NPAT: variants seen among roughly 807,000 people sequenced by gnomAD.
NPAT encodes protein NPAT.
In NPAT, 52 loss-of-function variants were observed where a neutral mutation model predicts 130.7. The ratio of observed to expected loss-of-function variants is 0.40; its 90% CI spans 0.32 to 0.50. The LOEUF (loss-of-function observed/expected upper bound fraction) is 0.50. NPAT is among the 20% of genes least tolerant of loss of function. NPAT has a pLI of 0.68. For missense variants in NPAT, 1,687 were observed against 1,662.6 expected, an observed-to-expected ratio of 1.01 and a Z score of -0.26; for synonymous variants, 580 against 584.8, an observed-to-expected ratio of 0.99 and a Z score of 0.12.
chr11:108,167,286 C>T (rs1447436246), intron 15 of NPAT, among the ~76,000 whole-genome samples: 1 of 152,218 alleles, frequency 6.6e-6, no homozygotes, highest in Non-Finnish European at 1.5e-5. Flanking sequence ...TCATGGCTTA[C>T]TTACAGCCTC....
chr11:108,209,528 G>A (rs551722774), intron 1 of NPAT, among the ~76,000 whole-genome samples: 66 of 152,158 alleles, frequency 4.3e-4, no homozygotes, highest in Admixed American at 9.8e-4. Context: ...CTCTAGCATG[G>A]GCAACAGACT....
intron 10 of NPAT, among the ~76,000 whole-genome samples, chr11:108,184,883 A>T (rs966959289): frequency 6.6e-6 from 1 of 152,172 alleles, no homozygotes; most frequent in South Asian, 2.1e-4. Context: ...ATTATTATAC[A>T]ATTTGTAGCA....
chr11:108,172,463 G>A lies in NPAT; in HGVS notation c.2521C>T (p.Pro841Ser). Reference sequence around the variant, plus strand: ...TATCCTCCATCCTTGGAAACACATGGTGTAACATTAGCTGAAAAAGCAATG... The same window carrying A: ...TATCCTCCATCCTTGGAAACACATGATGTAACATTAGCTGAAAAAGCAATG... ...DGIAFSANVTPCVSKDGGYIQ... is the reference protein window; with the variant it reads ...DGIAFSANVTSCVSKDGGYIQ... The change falls in exon 13 of 18, where the codon CCA becomes TCA. Residue 841 changes from proline to serine, a missense_variant. By Grantham distance (74) the Pro-to-Ser change is moderately conservative. This residue lies in a region of NPAT where 1,379 missense variants were observed against 1,346.6 expected (regional missense o/e 1.02). Transcript: ENST00000278612. 6.2e-7 allele frequency: 1 copy of A among 1,614,112 alleles called. No homozygotes were observed. The highest frequency in any genetic ancestry group is 2.2e-5 in the East Asian group (1 of 44,890).
intron 12 of NPAT, among the ~76,000 whole-genome samples, chr11:108,175,584 C>T (rs2077997985): frequency 1.3e-5 from 2 of 152,140 alleles, no homozygotes; most frequent in African/African-American, 4.8e-5. Flanking sequence ...ATAATATATA[C>T]TGCAAAAAAC....
rs144624808 is a variant in NPAT, at chr11:108,199,578, C to T, written c.38-2158G>A. 4.3e-3 allele frequency among the ~76,000 whole-genome samples: 661 copies of T among 152,126 alleles called. 16 individuals carry two copies. The highest frequency in any genetic ancestry group is 8.7e-3 in the East Asian group (45 of 5,184). ...TGCCTTCACATTTTTTTTCCAAAAA[C>T]GGATGAAGCACTGGGCCTCTGTCAG... On this transcript the variant is annotated intron_variant, in intron 1 of 17. Transcript: ENST00000278612.
intron 12 of NPAT, 81 bp from the exon 13 acceptor site, chr11:108,173,932 T>C (rs1222485072): frequency 7.9e-7 from 1 of 1,265,800 alleles, no homozygotes. Context: ...AAAACTTATT[T>C]TGCCAAGAAA....
In NPAT at chr11:108,197,283, T is replaced by C. The variant is rs949390964; in HGVS notation, c.156+19A>G. ...TCTTGTGTTGATGAAATATTTCCCT[T>C]AAGGAACAAATAACTCACCAGTAAG... On this transcript the variant is annotated intron_variant, in intron 2 of 17. Transcript: ENST00000278612. 1 of 1,419,216 alleles carries C rather than the reference T, an allele frequency of 7.0e-7. No individual in the cohort carries two copies. The highest frequency in any genetic ancestry group is 1.7e-5 in the Admixed American group (1 of 59,786). 87.9% of individuals were successfully genotyped at this position (1,419,216 alleles called of 1,614,324 possible).
At chr11:108,202,703 T>C (rs977456223) in intron 1 of NPAT, among the ~76,000 whole-genome samples, 1 of 152,134 alleles carries the variant, frequency 6.6e-6, no homozygotes, top group African/African-American at 2.4e-5. Context: ...AAGCAACATC[T>C]TCTCCCTTCT....
At chr11:108,175,044 A>T (rs1257504016) in intron 12 of NPAT, among the ~76,000 whole-genome samples, 1 of 152,264 alleles carries the variant, frequency 6.6e-6, no homozygotes, top group African/African-American at 2.4e-5. Context: ...CATATACAGC[A>T]GTCTCCCATT....
In NPAT at chr11:108,158,816, A is replaced by T. The variant is rs2077819544; in HGVS notation, c.*126T>A. On this transcript the variant is annotated 3_prime_UTR_variant, in exon 18 of 18. Transcript: ENST00000278612. ...TTCAGAAACAGCATGATTTAGATAT[A>T]AAGTGAAGTTTCAGTACAATGAAAG... is the stretch of plus-strand genomic sequence containing the variant. 1.5e-6 allele frequency: 1 copy of T among 649,410 alleles called. No individual in the cohort carries two copies. Among genetic ancestry groups the T allele is most frequent in the Non-Finnish European group, 2.8e-6 (1 of 359,312 alleles). 40.2% of individuals were successfully genotyped at this position (649,410 alleles called of 1,614,324 possible). A position where few individuals can be genotyped will look rare whatever the true frequency, so the allele number is the denominator to read the frequency against.
At chr11:108,218,769 T>C (rs954944557) in intron 1 of NPAT, among the ~76,000 whole-genome samples, 13 of 152,296 alleles carry the variant, frequency 8.5e-5, no homozygotes, top group African/African-American at 2.2e-4. Context: ...AGAAAGTATA[T>C]ATGCAATCAT....
rs139327714 is a variant in NPAT at position 108,213,520 on chromosome 11, G to A, written c.37+8980C>T. Among the ~76,000 whole-genome samples, 502 of 152,218 alleles carry A rather than the reference G, an allele frequency of 3.3e-3. 4 individuals are homozygous for A. Among genetic ancestry groups the A allele is most frequent in the African/African-American group, 0.011 (463 of 41,520 alleles). On this transcript the variant is annotated intron_variant, in intron 1 of 17. Transcript: ENST00000278612. ...GAGGAAATTAAAGACCTAAATCCACGCAAAGACATACTGTGTTCATGGACT... is the reference window on the plus strand; with the variant it reads ...GAGGAAATTAAAGACCTAAATCCACACAAAGACATACTGTGTTCATGGACT...
chr11:108,203,685 C>T (rs1230638786), intron 1 of NPAT, among the ~76,000 whole-genome samples: 1 of 152,176 alleles, frequency 6.6e-6, no homozygotes, highest in Non-Finnish European at 1.5e-5. Flanking sequence ...GCCAAGGACC[C>T]CTTAATCCTG....
At position 108,172,868 on chromosome 11, in the gene NPAT, C is replaced by G; in HGVS notation, c.2116G>C (p.Val706Leu). 6.2e-7 allele frequency: 1 copy of G among 1,614,070 alleles called. No individual in the cohort carries two copies. Among genetic ancestry groups the G allele is most frequent in the Non-Finnish European group, 8.5e-7 (1 of 1,180,030 alleles). The change falls in exon 13 of 18, where the codon GTG becomes CTG. Residue 706 changes from valine (V) to leucine (L), a missense_variant. Val to Leu is a conservative substitution (Grantham distance 32, BLOSUM62 1). This residue lies in a region of NPAT where 1,379 missense variants were observed against 1,346.6 expected (regional missense o/e 1.02). Coordinates refer to ENST00000278612, the MANE Select transcript of NPAT (RefSeq NM_002519.3). ...ENSHSLPPES[V>L]CSSVGDSHPE... The stretch of plus-strand genomic sequence containing the variant: ...TGAGAATCTCCCACTGAAGAACACA[C>G]AGATTCTGGAGGAAGAGAGTGACTG...
chr11:108,197,451 T>C (rs777228809), intron 1 of NPAT, 31 bp from the exon 2 acceptor site: 3 of 1,351,594 alleles, frequency 2.2e-6, no homozygotes, highest in Non-Finnish European at 2.1e-6. Flanking sequence ...TAGGTACTTA[T>C]ACTAAATTCT....
chr11:108,177,006 G>C lies in NPAT; in HGVS notation c.991C>G (p.Leu331Val). The C allele has an allele frequency of 1.9e-6, 3 of 1,607,074 alleles. No homozygotes were observed. Among genetic ancestry groups the C allele is most frequent in the Non-Finnish European group, 2.6e-6 (3 of 1,173,826 alleles). The change falls in exon 11 of 18, where the codon CTC becomes GTC. Residue 331 changes from leucine to valine, a missense_variant. Leu to Val is a conservative substitution (Grantham distance 32). Around this residue, in one of 3 missense-constraint regions of NPAT, gnomAD observed 1,379 missense variants for 1,346.6 expected, o/e 1.02. Coordinates refer to ENST00000278612, the MANE Select transcript of NPAT (RefSeq NM_002519.3). ...SDPAFQALFD[L>V]FDYGKTKNNK... ...ATAGTCTCCTTACCATAGTCAAAGA[G>C]ATCAAAGAGTGCCTGAAATGCTGGG...
rs591654 is a variant in NPAT at position 108,199,595 on chromosome 11, C to G, written c.38-2175G>C. On this transcript the variant is annotated intron_variant, in intron 1 of 17. Transcript: ENST00000278612. ...TCCAAAAACGGATGAAGCACTGGGC[C>G]TCTGTCAGCCAGTTAAGAGCGAATG... Among the ~76,000 whole-genome samples the G allele has an allele frequency of 5.1e-3, 784 of 152,280 alleles. 11 individuals carry two copies. Among genetic ancestry groups the G allele is most frequent in the African/African-American group, 0.018 (749 of 41,536 alleles).
chr11:108,221,513 T>C (rs1022621054), intron 1 of NPAT, among the ~76,000 whole-genome samples: 1 of 152,238 alleles, frequency 6.6e-6, no homozygotes, highest in African/African-American at 2.4e-5. Context: ...AATGTGCTTA[T>C]CAAGAGCCCT....
rs532199644 is a variant in NPAT at position 108,195,323 on chromosome 11, G to T, written c.157-1306C>A. ...TAATTCTTACCAGTAAGAAACAAGA[G>T]TTCCTGCTGCTCTGCATATTTGTGG... On this transcript the variant is annotated intron_variant, in intron 2 of 17. Transcript: ENST00000278612. Among the ~76,000 whole-genome samples the T allele has an allele frequency of 8.5e-5, 13 of 152,318 alleles. No individual in the cohort carries two copies. The East Asian group carries it at 2.5e-3, about 29-fold the overall frequency.
Sources: allele counts gnomAD v4.1 joint callset (sites outside exome capture counted in the v4.1 genomes callset), GRCh38; gene constraint gnomAD v4.1.1; regional missense constraint gnomAD v4.1.1; transcripts MANE v1.5; gene names NCBI Gene and HGNC (gene_info 2026-07-23, HGNC 2026-07-21).